Variants in REELD1 observed in about 807,000 individuals in gnomAD.
REELD1 encodes the protein reeler domain containing 1, also known as reelin domain-containing protein 1.
In REELD1, 12 loss-of-function variants were observed where a neutral mutation model predicts 6.3. The observed-to-expected ratio is 1.89, with a 90% CI of 1.21 to 3.07. The LOEUF (loss-of-function observed/expected upper bound fraction) is 3.07, where lower values mean the gene tolerates loss of function less well. Ranked by LOEUF, REELD1 falls within the 30% of genes most tolerant of loss-of-function variation. The pLI is 0.00. For synonymous variants in REELD1, 57 were observed against 33.6 expected (o/e 1.70, Z -2.42); for missense variants, 163 against 86.8 (o/e 1.88, Z -3.49).
At chr4:146,225,649 C>G (rs1430708589) in intron 5 of REELD1, among the ~76,000 whole-genome samples, 2 of 152,118 alleles carry the variant, frequency 1.3e-5, no homozygotes, top group Non-Finnish European at 2.9e-5. Context: ...TGTTTGAAAT[C>G]TCATGTTTTA....
rs1356962321 is a variant in REELD1 at position 146,231,667 on chromosome 4, T to G, written c.*1154T>G. Among the ~76,000 whole-genome samples the G allele has an allele frequency of 1.3e-5, 2 of 152,232 alleles. No individual in the cohort carries two copies. Among genetic ancestry groups the G allele is most frequent in the Non-Finnish European group, 2.9e-5 (2 of 68,048 alleles). ...GAACACCTAATTCATACGGGAACTG[T>G]GCTAAGTAGTTTGCGTATATCTTCA... On this transcript the variant is annotated 3_prime_UTR_variant, in exon 8 of 8. Transcript: ENST00000623665.
At chr4:146,220,184 G>A (rs1348774156) in intron 3 of REELD1, among the ~76,000 whole-genome samples, 3 of 152,216 alleles carry the variant, frequency 2.0e-5, no homozygotes, top group South Asian at 2.1e-4. Flanking sequence ...TTCTAACCTC[G>A]TGATCCACCC....
intron 7 of REELD1, 70 bp from the exon 8 acceptor site, chr4:146,229,835 T>C: frequency 2.5e-6 from 1 of 398,100 alleles, no homozygotes; most frequent in African/African-American, 2.1e-5. Context: ...CCCCAGTTAG[T>C]TACAAAGTTC....
At chr4:146,220,527 A>G (rs570010215) in intron 3 of REELD1, among the ~76,000 whole-genome samples, 2 of 152,298 alleles carry the variant, frequency 1.3e-5, no homozygotes, top group South Asian at 4.1e-4. Context: ...AAGCCATTCA[A>G]TGACATCATC....
intron 2 of REELD1, among the ~76,000 whole-genome samples, chr4:146,215,773 T>C (rs537166375): frequency 6.9e-6 from 1 of 145,760 alleles, no homozygotes; most frequent in African/African-American, 2.6e-5. Context: ...TTTTTTGAGA[T>C]AGAGTCTCGC....
At chr4:146,220,341 T>C (rs183942303) in intron 3 of REELD1, among the ~76,000 whole-genome samples, 88 of 152,358 alleles carry the variant, frequency 5.8e-4, no homozygotes, top group African/African-American at 2.0e-3. Flanking sequence ...ATTTACTTTT[T>C]AAATTTTTTT....
chr4:146,230,523 C>CA lies in REELD1; in HGVS notation c.*11dup. The CA allele has an allele frequency of 2.5e-6, 1 of 398,604 alleles. No homozygotes were observed. Among genetic ancestry groups the CA allele is most frequent in the Non-Finnish European group, 4.4e-6 (1 of 226,092 alleles). 24.7% of individuals were successfully genotyped at this position (398,604 alleles called of 1,614,324 possible). ...GAAAACAGTCCTCTGAGAAGACTGT[C>CA]ACCCCAGACCTCTCAGTGGCCCTCC... On this transcript the variant is annotated 3_prime_UTR_variant, in exon 8 of 8. Coordinates refer to ENST00000623665, the MANE Select transcript of REELD1 (RefSeq NM_001354631.1).
At chr4:146,224,943 T>G (rs1268693946) in intron 5 of REELD1, among the ~76,000 whole-genome samples, 1 of 152,192 alleles carries the variant, frequency 6.6e-6, no homozygotes, top group Non-Finnish European at 1.5e-5. Flanking sequence ...CCTCACAATA[T>G]TTCTGCTGTT....
At chr4:146,217,236 C>A in intron 3 of REELD1, 76 bp downstream of exon 3, 1 of 398,578 alleles carries the variant, frequency 2.5e-6, no homozygotes, top group South Asian at 1.3e-4. Flanking sequence ...GTGTTTGTCC[C>A]AGTCAGAAGC....
chr4:146,222,692 T>G (rs1560724757), intron 4 of REELD1, 113 bp downstream of exon 4: 1 of 396,048 alleles, frequency 2.5e-6, no homozygotes, highest in East Asian at 3.6e-5. Flanking sequence ...GTGGCCACCT[T>G]ATAGCAAGGA....
chr4:146,228,741 A>G (rs1158211944), intron 6 of REELD1, among the ~76,000 whole-genome samples: 1 of 152,184 alleles, frequency 6.6e-6, no homozygotes, highest in Non-Finnish European at 1.5e-5. Flanking sequence ...AGGTGCTGTT[A>G]TAAGTAAAAC....
chr4:146,225,054 A>G (rs1348321720), intron 5 of REELD1, among the ~76,000 whole-genome samples: 1 of 152,166 alleles, frequency 6.6e-6, no homozygotes, highest in Non-Finnish European at 1.5e-5. Context: ...GTTACTTTTC[A>G]TAGTAGGTAG....
In REELD1 at chr4:146,232,164, T is replaced by G. The variant is rs1290813613; in HGVS notation, c.*1651T>G. 6.6e-6 allele frequency: 1 copy of G among 152,252 alleles called. No homozygotes were observed. Among genetic ancestry groups the G allele is most frequent in the Non-Finnish European group, 1.5e-5 (1 of 68,038 alleles). The allele number at this position is 152,252 out of a possible 1,614,324, so 9.4% of individuals were successfully genotyped here. On this transcript the variant is annotated 3_prime_UTR_variant, in exon 8 of 8. Transcript: ENST00000623665. ...CAAACTTTTTTAGATCTTTTCTGTC[T>G]AAGAGAGAATTTTCCTATGTAAACA...
At chr4:146,222,228 C>T (rs757731689) in intron 3 of REELD1, 129 bp from the exon 4 acceptor site, 1 of 396,658 alleles carries the variant, frequency 2.5e-6, no homozygotes, top group East Asian at 3.6e-5. Flanking sequence ...TTCAACTTTA[C>T]CCCCCTCTAA....
intron 3 of REELD1, among the ~76,000 whole-genome samples, chr4:146,219,501 GTTTA>G (rs1730883327): frequency 6.6e-6 from 1 of 152,180 alleles, no homozygotes. Context: ...TTGTTCAAAT[GTTTA>G]TTAAGAAAAG....
intron 2 of REELD1, among the ~76,000 whole-genome samples, chr4:146,216,450 G>A: frequency 6.6e-6 from 1 of 152,182 alleles, no homozygotes; most frequent in East Asian, 1.9e-4. Context: ...TAGATGTTTT[G>A]TAGCACTTAA....
chr4:146,217,675 A>C (rs1234781154), intron 3 of REELD1, among the ~76,000 whole-genome samples: 1 of 152,246 alleles, frequency 6.6e-6, no homozygotes, highest in African/African-American at 2.4e-5. Flanking sequence ...ATTATAGATA[A>C]TTATTTTGTC....
At chr4:146,224,168 A>C (rs560421769) in intron 4 of REELD1, among the ~76,000 whole-genome samples, 287 of 152,166 alleles carry the variant, frequency 1.9e-3, no homozygotes, top group African/African-American at 6.5e-3. Flanking sequence ...TTTTTAGTTA[A>C]AATGAGATTT....
chr4:146,224,911 T>C (rs1004003271), intron 5 of REELD1, among the ~76,000 whole-genome samples: 3 of 152,206 alleles, frequency 2.0e-5, no homozygotes, highest in Admixed American at 6.5e-5. Context: ...AGCATACACC[T>C]CTTCCCCCAA....
Sources: gnomAD v4.1 joint callset for allele counts (sites outside exome capture counted in the v4.1 genomes callset) on GRCh38, gnomAD v4.1.1 for gene constraint, MANE v1.5 for transcripts, NCBI Gene and HGNC (gene_info 2026-07-23, HGNC 2026-07-21) for gene names.